Variants in CACNB4 observed in about 807,000 individuals in gnomAD.
CACNB4 encodes voltage-dependent L-type calcium channel subunit beta-4.
In CACNB4, 32 loss-of-function variants were observed where a neutral mutation model predicts 71.2. That is an observed-to-expected ratio of 0.45 (90% CI 0.34 to 0.60). The LOEUF is 0.60. Ranked by LOEUF, CACNB4 falls within the 20% of genes least tolerant of loss-of-function variation. The pLI is 0.01. For synonymous variants in CACNB4, 231 were observed against 236.9 expected, an observed-to-expected ratio of 0.97 and a Z score of 0.23; for missense variants, 464 against 647.9, an observed-to-expected ratio of 0.72 and a Z score of 3.08.
rs1014453465 is a variant in CACNB4 at position 151,885,652 on chromosome 2, G to A, written c.148-2282C>T. ...TTACTGTATTTACTGCATAGAAGATGTACTATAAACCTGATAACCGCAATG... is the reference window on the plus strand; with the variant it reads ...TTACTGTATTTACTGCATAGAAGATATACTATAAACCTGATAACCGCAATG... On this transcript the variant is annotated intron_variant, in intron 2 of 13. Coordinates refer to ENST00000539935, the MANE Select transcript of CACNB4 (RefSeq NM_000726.5). Among the ~76,000 whole-genome samples, 4 of 152,310 alleles carry A rather than the reference G, an allele frequency of 2.6e-5. No homozygotes were observed. The East Asian group carries it at 5.8e-4, about 22-fold the overall frequency.
intron 2 of CACNB4, among the ~76,000 whole-genome samples, chr2:151,952,744 CAG>C (rs376930428): frequency 7.4e-4 from 113 of 152,186 alleles, no homozygotes; most frequent in African/African-American, 2.3e-3. Context: ...AGGATTGTGA[CAG>C]GGGAAAAAAT....
At chr2:151,996,401 G>T (rs925373003) in intron 2 of CACNB4, among the ~76,000 whole-genome samples, 5 of 150,476 alleles carry the variant, frequency 3.3e-5, no homozygotes, top group African/African-American at 1.2e-4. Flanking sequence ...TCAGAACAGA[G>T]AACTCATCGG....
chr2:151,955,423 T>C (rs1372811388), intron 2 of CACNB4, among the ~76,000 whole-genome samples: 1 of 152,200 alleles, frequency 6.6e-6, no homozygotes, highest in Non-Finnish European at 1.5e-5. Flanking sequence ...TGGTAAGACT[T>C]GATCCTTGCC....
chr2:151,921,513 T>C (rs1253520422), intron 2 of CACNB4, among the ~76,000 whole-genome samples: 3 of 152,202 alleles, frequency 2.0e-5, no homozygotes, highest in African/African-American at 7.2e-5. Context: ...CCAAAATGTA[T>C]CTCACTGGCC....
At chr2:151,979,747 G>T (rs1371618555) in intron 2 of CACNB4, among the ~76,000 whole-genome samples, 1 of 152,204 alleles carries the variant, frequency 6.6e-6, no homozygotes, top group Non-Finnish European at 1.5e-5. Context: ...GGGATGGCGT[G>T]GCAGCAACAC....
chr2:151,971,450 A>T, intron 2 of CACNB4: 1 of 701,520 alleles, frequency 1.4e-6, no homozygotes, highest in Non-Finnish European at 2.6e-6. Flanking sequence ...ATATTCTCGG[A>T]CTGCAGCTAG....
At chr2:151,861,224 A>C in intron 9 of CACNB4, 1 of 167,076 alleles carries the variant, frequency 6.0e-6, no homozygotes, top group Non-Finnish European at 1.3e-5. Context: ...GGAACTACAA[A>C]TGCTTTGCTC....
At chr2:151,856,252 T>G (rs1338635253) in intron 10 of CACNB4, among the ~76,000 whole-genome samples, 1 of 151,702 alleles carries the variant, frequency 6.6e-6, no homozygotes, top group African/African-American at 2.4e-5. Context: ...ATTACCTGAC[T>G]TATTGGATCA....
chr2:152,098,270 G>GCCGGCTCC lies in CACNB4; in HGVS notation c.147+59_147+60insGGAGCCGG. The GCCGGCTCC allele has an allele frequency of 7.2e-7, 1 of 1,382,862 alleles. No individual in the cohort carries two copies. The allele number at this position is 1,382,862 out of a possible 1,614,324, so 85.7% of individuals were successfully genotyped here. A position where few individuals can be genotyped will look rare whatever the true frequency, so the allele number is the denominator to read the frequency against. ...ACGTGTGGGCCACGGCCGGCTCCAG[G>GCCGGCTCC]ACCCCCGCGCCGCGCGCTCGGCCTC... is the stretch of plus-strand genomic sequence containing the variant. On this transcript the variant is annotated intron_variant, in intron 2 of 13. Transcript: ENST00000539935. This position sits in a 1 kb window ranked among gnomAD's most constrained non-coding sequence, Gnocchi z 5.3.
intron 2 of CACNB4, among the ~76,000 whole-genome samples, chr2:152,040,530 C>A (rs1207883814): frequency 6.6e-6 from 1 of 152,120 alleles, no homozygotes; most frequent in Non-Finnish European, 1.5e-5. Context: ...CAACCTCCGC[C>A]CCCTGGGTTC....
chr2:152,006,609 G>A (rs561257246), intron 2 of CACNB4, among the ~76,000 whole-genome samples: 39 of 151,924 alleles, frequency 2.6e-4, no homozygotes, highest in African/African-American at 8.7e-4. Flanking sequence ...GTGGCCAGGC[G>A]GGTTTCAAAC....
At chr2:151,868,925 G>A (rs2099843883) in intron 9 of CACNB4, 1 of 229,126 alleles carries the variant, frequency 4.4e-6, no homozygotes, top group African/African-American at 2.3e-5. Context: ...ATTAATAACT[G>A]AGAAAATAAA....
intron 2 of CACNB4, among the ~76,000 whole-genome samples, chr2:152,090,686 A>G (rs956521440): frequency 1.3e-5 from 2 of 151,956 alleles, no homozygotes; most frequent in Admixed American, 1.3e-4. Context: ...CTTGAATCAG[A>G]ACTTACCTAA....
intron 2 of CACNB4, among the ~76,000 whole-genome samples, chr2:152,040,087 C>T (rs1684798274): frequency 6.6e-6 from 1 of 152,110 alleles, no homozygotes; most frequent in African/African-American, 2.4e-5. Context: ...TTCATTGCGG[C>T]TAAATGGGAA....
chr2:152,083,398 A>T (rs1687471874), intron 2 of CACNB4, among the ~76,000 whole-genome samples: 1 of 152,002 alleles, frequency 6.6e-6, no homozygotes, highest in Non-Finnish European at 1.5e-5. Flanking sequence ...AGGAGGGAGG[A>T]AAGAAGGCAC....
chr2:151,924,790 T>A (rs1174801957), intron 2 of CACNB4, among the ~76,000 whole-genome samples: 1 of 152,212 alleles, frequency 6.6e-6, no homozygotes, highest in Non-Finnish European at 1.5e-5. Flanking sequence ...TTATAACACA[T>A]ATGATATCTG....
chr2:152,098,070 T>C lies in CACNB4; in HGVS notation c.147+260A>G, dbSNP rs1365415722. ...GCTCTTAAATTCAACGTCCCTGACT[T>C]AAGCCAGGTCCCCACCGAACTGTCC... On this transcript the variant is annotated intron_variant, in intron 2 of 13. Transcript: ENST00000539935. This position sits in a 1 kb window ranked among gnomAD's most constrained non-coding sequence, Gnocchi z 5.3. 6.6e-6 allele frequency among the ~76,000 whole-genome samples: 1 copy of C among 152,228 alleles called. No individual in the cohort carries two copies. Among genetic ancestry groups the C allele is most frequent in the Non-Finnish European group, 1.5e-5 (1 of 68,040 alleles).
intron 3 of CACNB4, among the ~76,000 whole-genome samples, chr2:151,881,313 A>G (rs566590347): frequency 2.2e-4 from 34 of 152,176 alleles, no homozygotes; most frequent in Non-Finnish European, 4.4e-4. Flanking sequence ...AAAGAAAAAA[A>G]AAAAGGTGGG....
At chr2:152,053,843 T>C (rs1685579601) in intron 2 of CACNB4, among the ~76,000 whole-genome samples, 1 of 151,698 alleles carries the variant, frequency 6.6e-6, no homozygotes, top group Admixed American at 6.6e-5. Context: ...GCAAATTAAC[T>C]GAACCCAAAA....
Sources: allele counts gnomAD v4.1 joint callset (sites outside exome capture counted in the v4.1 genomes callset), GRCh38; gene constraint gnomAD v4.1.1; non-coding constraint Gnocchi (gnomAD v3.1); transcripts MANE v1.5; gene names NCBI Gene and HGNC (gene_info 2026-07-23, HGNC 2026-07-21).